The following CD3G variants were observed in gnomAD, a reference collection of about 807,000 sequenced individuals.
The protein encoded by CD3G is CD3 gamma subunit of T-cell receptor complex, also known as T-cell surface glycoprotein CD3 gamma chain.
Under a neutral mutation model 28.3 loss-of-function variants are expected in CD3G, and 24 were observed. That is an observed-to-expected ratio of 0.85 (90% CI 0.61 to 1.19). The LOEUF is 1.19. Among genes scored for constraint, CD3G ranks in the 50% most tolerant of loss-of-function variants. The probability of loss-of-function intolerance (pLI) is 0.00; values close to 1 mark genes in which losing one functional copy is unlikely to be tolerated. For synonymous variants in CD3G, 71 were observed against 75.9 expected (o/e 0.93, Z 0.34); for missense variants, 211 against 210.0 (o/e 1.00, Z -0.03).
chr11:118,347,110 G>A (rs1948364042), intron 1 of CD3G, among the ~76,000 whole-genome samples: 1 of 152,122 alleles, frequency 6.6e-6, no homozygotes. Context: ...TTCACTTCTT[G>A]TATTTCCATT....
At position 118,354,613 on chromosome 11, in the gene CD3G, TGTGAGCCACCGC is replaced by T. The variant is rs1948435472; in HGVS notation, c.*1515_*1526del. 6.6e-6 allele frequency: 1 copy of T among 151,932 alleles called. No individual in the cohort carries two copies. Among genetic ancestry groups the T allele is most frequent in the African/African-American group, 2.4e-5 (1 of 41,342 alleles). The allele number at this position is 151,932 out of a possible 1,614,324, so 9.4% of individuals were successfully genotyped here. Reference sequence around the variant, plus strand: ...CCTCCCAAAGTGCTGGGATTACAGGTGTGAGCCACCGCGCCAGGCCCGTAACTGTATTTTAAT... The same window carrying T: ...CCTCCCAAAGTGCTGGGATTACAGGTGCCAGGCCCGTAACTGTATTTTAAT... On this transcript the variant is annotated 3_prime_UTR_variant, in exon 7 of 7. Transcript: ENST00000532917.
At chr11:118,352,244 G>GA (rs1677063922) in intron 5 of CD3G, among the ~76,000 whole-genome samples, 160 bp from the exon 6 acceptor site, 1 of 150,634 alleles carries the variant, frequency 6.6e-6, no homozygotes, top group African/African-American at 2.4e-5. Context: ...GAGAGAAAAA[G>GA]AAAAAAGACA....
intron 2 of CD3G, chr11:118,349,365 CCTT>C (rs1409346662): frequency 9.6e-6 from 11 of 1,151,372 alleles, no homozygotes; most frequent in Non-Finnish European, 1.3e-5. Flanking sequence ...CTCTGTCAAT[CCTT>C]CTCTTTAGTT....
rs1035206959 is a variant in CD3G, at chr11:118,354,718, C to T, written c.*1618C>T. 4 of 152,010 alleles carry T rather than the reference C, an allele frequency of 2.6e-5. No individual in the cohort carries two copies. Among genetic ancestry groups the T allele is most frequent in the African/African-American group, 9.7e-5 (4 of 41,384 alleles). The allele number at this position is 152,010 out of a possible 1,614,324, so 9.4% of individuals were successfully genotyped here. A position where few individuals can be genotyped will look rare whatever the true frequency, so the allele number is the denominator to read the frequency against. Reference sequence around the variant, plus strand: ...TAATTTGCATTTCCCTAGATACTAACCATGCTGAGTGTCCTGTCTTGTGTT... The same window carrying T: ...TAATTTGCATTTCCCTAGATACTAATCATGCTGAGTGTCCTGTCTTGTGTT... On this transcript the variant is annotated 3_prime_UTR_variant, in exon 7 of 7. Transcript: ENST00000532917.
chr11:118,349,593 A>G, intron 2 of CD3G, 150 bp from the exon 3 acceptor site: 1 of 735,114 alleles, frequency 1.4e-6, no homozygotes. Context: ...GAACTACTAA[A>G]TAGCACCTGA....
At chr11:118,350,899 A>AG in intron 4 of CD3G, 1 of 1,233,760 alleles carries the variant, frequency 8.1e-7, no homozygotes, top group Non-Finnish European at 1.0e-6. Flanking sequence ...GAAAAAAAAA[A>AG]AAAACAAAAA....
chr11:118,348,920 G>A, intron 1 of CD3G, 107 bp from the exon 2 acceptor site: 1 of 1,267,254 alleles, frequency 7.9e-7, no homozygotes, highest in Non-Finnish European at 1.2e-6. Context: ...CATTTTCATG[G>A]ATTTGGATCT....
In CD3G at chr11:118,350,528, G is replaced by T. The variant is rs199691768; in HGVS notation, c.308-24G>T. 6.3e-6 allele frequency: 10 copies of T among 1,580,556 alleles called. No individual in the cohort carries two copies. In the Middle Eastern group the frequency reaches 1.7e-3, roughly 264 times the overall value. ...GAAAAACAACTTTCGCAACCTGAAG[G>T]TTTGTCTCTCCTTTTCCCTACAGTG... is the stretch of plus-strand genomic sequence containing the variant. On this transcript the variant is annotated intron_variant, in intron 3 of 6. Coordinates refer to ENST00000532917, the MANE Select transcript of CD3G (RefSeq NM_000073.3).
At chr11:118,346,239 T>C (rs1047068781) in intron 1 of CD3G, among the ~76,000 whole-genome samples, 4 of 151,838 alleles carry the variant, frequency 2.6e-5, no homozygotes, top group African/African-American at 9.7e-5. Context: ...TTCGAGACCA[T>C]CCTGGTCAAC....
intron 1 of CD3G, among the ~76,000 whole-genome samples, chr11:118,347,213 C>T (rs1948364920): frequency 6.6e-6 from 1 of 152,232 alleles, no homozygotes; most frequent in African/African-American, 2.4e-5. Flanking sequence ...GCATCTTATT[C>T]AGCTATTCTT....
At chr11:118,350,350 A>C (rs1303917311) in intron 3 of CD3G, among the ~76,000 whole-genome samples, 4 of 152,166 alleles carry the variant, frequency 2.6e-5, no homozygotes, top group Admixed American at 1.3e-4. Context: ...GTTAGACTAC[A>C]TGGGCTTCCC....
chr11:118,350,623 T>C lies in CD3G; in HGVS notation c.379T>C (p.Phe127Leu). ...GFLFAEIVSI[F>L]VLAVGVYFIA... ...TCTCTTTGCTGAAATCGTCAGCATT[T>C]TCGTCCTTGCTGTTGGGGTCTACTT... Residue 127 changes from phenylalanine to leucine, a missense_variant, in exon 4 of 7, where the codon TTC becomes CTC. Phe to Leu is a conservative substitution (Grantham distance 22). Transcript: ENST00000532917. The C allele has an allele frequency of 3.7e-6, 6 of 1,614,076 alleles. No homozygotes were observed. The highest frequency in any genetic ancestry group is 5.1e-6 in the Non-Finnish European group (6 of 1,179,988).
In CD3G at chr11:118,354,379, T is replaced by G. The variant is rs971449707; in HGVS notation, c.*1279T>G. The G allele has an allele frequency of 6.6e-6, 1 of 150,486 alleles. No homozygotes were observed. Among genetic ancestry groups the G allele is most frequent in the South Asian group, 2.1e-4 (1 of 4,752 alleles). 9.3% of individuals were successfully genotyped at this position (150,486 alleles called of 1,614,324 possible). ...GTGCAGTGGCGCGATCTCAGCTCAC[T>G]GCAACCTCCACCTCCTGGGTTCAAG... is the stretch of plus-strand genomic sequence containing the variant. On this transcript the variant is annotated 3_prime_UTR_variant, in exon 7 of 7. Transcript: ENST00000532917.
At position 118,344,505 on chromosome 11, in the gene CD3G, C is replaced by T. The variant is rs1194825652; in HGVS notation, c.55+27C>T. The T allele has an allele frequency of 2.6e-6, 4 of 1,546,708 alleles. No individual in the cohort carries two copies. In the African/African-American group the frequency reaches 4.1e-5, roughly 16 times the overall value. On this transcript the variant is annotated intron_variant, in intron 1 of 6. Coordinates refer to ENST00000532917, the MANE Select transcript of CD3G (RefSeq NM_000073.3). ...TAAGGGCCTACTAGGGGTCTGGAAG[C>T]CTGGGGAAGGGCTCAAGGGAAGAGC...
chr11:118,346,164 T>C (rs1341772241), intron 1 of CD3G, among the ~76,000 whole-genome samples: 1 of 152,206 alleles, frequency 6.6e-6, no homozygotes, highest in East Asian at 1.9e-4. Context: ...ACGGGCATGG[T>C]GGCTCATGCC....
At chr11:118,351,564 T>C (rs1428203959) in intron 4 of CD3G, 64 bp from the exon 5 acceptor site, 2 of 1,460,048 alleles carry the variant, frequency 1.4e-6, no homozygotes, top group Admixed American at 3.3e-5. Context: ...TATTCCATTT[T>C]GTGAATATAA....
In CD3G at chr11:118,349,198, A is replaced by T; in HGVS notation, c.79+148A>T. On this transcript the variant is annotated intron_variant, in intron 2 of 6. Transcript: ENST00000532917. ...TGATGTCTCTATTGTCAACCAAATC[A>T]GTGACCTGACATAACCTGTTCCGGG... 1.9e-6 allele frequency: 3 copies of T among 1,595,242 alleles called. No homozygotes were observed. In the South Asian group the frequency reaches 3.3e-5, roughly 18 times the overall value.
At position 118,344,485 on chromosome 11, in the gene CD3G, GC is replaced by G; in HGVS notation, c.55+9del. 1.9e-6 allele frequency: 3 copies of G among 1,561,396 alleles called. No individual in the cohort carries two copies. In the East Asian group the frequency reaches 7.1e-5, roughly 37 times the overall value. On this transcript the variant is annotated splice_region_variant and intron_variant, in intron 1 of 6. Coordinates refer to ENST00000532917, the MANE Select transcript of CD3G (RefSeq NM_000073.3). ...GCTATCATTCTTCTTCAAGGTAAGG[GC>G]CTACTAGGGGTCTGGAAGCCTGGGG... is the stretch of plus-strand genomic sequence containing the variant.
At position 118,354,684 on chromosome 11, in the gene CD3G, T is replaced by C. The variant is rs1229989394; in HGVS notation, c.*1584T>C. ...TCTATGGATTTAATATGGTATTTTA[T>C]TATGGCCTTAATTTGCATTTCCCTA... On this transcript the variant is annotated 3_prime_UTR_variant, in exon 7 of 7. Coordinates refer to ENST00000532917, the MANE Select transcript of CD3G (RefSeq NM_000073.3). 1.3e-5 allele frequency: 2 copies of C among 152,136 alleles called. No homozygotes were observed. The highest frequency in any genetic ancestry group is 3.8e-4 in the East Asian group (2 of 5,198). 9.4% of individuals were successfully genotyped at this position (152,136 alleles called of 1,614,324 possible).
Sources: allele counts gnomAD v4.1 joint callset (sites outside exome capture counted in the v4.1 genomes callset), GRCh38; gene constraint gnomAD v4.1.1; transcripts MANE v1.5; gene names NCBI Gene and HGNC (gene_info 2026-07-23, HGNC 2026-07-21).